The following PDE1C variants were observed in gnomAD, a reference collection of about 807,000 sequenced individuals.
PDE1C encodes the protein dual specificity calcium/calmodulin-dependent 3',5'-cyclic nucleotide phosphodiesterase 1C.
Under a neutral mutation model 93.1 loss-of-function variants are expected in PDE1C, and 62 were observed. That is an observed-to-expected ratio of 0.67 (90% CI 0.54 to 0.82). The LOEUF is 0.82. Among genes scored for constraint, PDE1C ranks in the 40% least tolerant of loss-of-function variants. The pLI, the probability that PDE1C is intolerant of heterozygous loss-of-function variation, is 0.00. For missense variants in PDE1C, 742 were observed against 884.6 expected, an observed-to-expected ratio of 0.84 and a Z score of 2.04; for synonymous variants, 325 against 310.1, an observed-to-expected ratio of 1.05 and a Z score of -0.50.
At chr7:32,377,809 C>T (rs1784458193) in intron 1 of PDE1C, among the ~76,000 whole-genome samples, 1 of 152,102 alleles carries the variant, frequency 6.6e-6, no homozygotes, top group African/African-American at 2.4e-5. Context: ...TGCCCTCCGC[C>T]ACTATACTCT....
the PDE1C span, among the ~76,000 whole-genome samples, chr7:31,696,734 T>G: frequency 6.6e-6 from 1 of 152,164 alleles, no homozygotes; most frequent in South Asian, 2.1e-4. Flanking sequence ...TCCTCAGGGT[T>G]TTAGTGAAGC....
chr7:31,634,209 C>G, the PDE1C span, among the ~76,000 whole-genome samples: 1 of 152,086 alleles, frequency 6.6e-6, no homozygotes, highest in South Asian at 2.1e-4. Flanking sequence ...AGCAGGGTCC[C>G]CCTAATTGGG....
At chr7:32,384,376 A>G (rs1290167158) in intron 1 of PDE1C, among the ~76,000 whole-genome samples, 1 of 152,230 alleles carries the variant, frequency 6.6e-6, no homozygotes, top group Non-Finnish European at 1.5e-5. Flanking sequence ...AAACATCATC[A>G]TAATAATAAA....
intron 2 of PDE1C, among the ~76,000 whole-genome samples, chr7:31,916,049 G>C (rs1380568707): frequency 2.6e-5 from 4 of 152,062 alleles, no homozygotes; most frequent in Non-Finnish European, 4.4e-5. Flanking sequence ...AGGTATGGGG[G>C]GGGCACCTCT....
At chr7:32,022,909 A>G (rs1039481829) in intron 2 of PDE1C, among the ~76,000 whole-genome samples, 12 of 151,656 alleles carry the variant, frequency 7.9e-5, no homozygotes, top group Admixed American at 7.9e-4. Flanking sequence ...TTACTTTCCT[A>G]TTACCAACAC....
the PDE1C span, among the ~76,000 whole-genome samples, chr7:31,731,040 G>A: frequency 4.0e-5 from 6 of 151,810 alleles, no homozygotes; most frequent in African/African-American, 9.7e-5. Context: ...AGAGGGGGGC[G>A]GGTTCCCAAG....
At chr7:31,824,256 C>T (rs1789374353) in intron 13 of PDE1C, among the ~76,000 whole-genome samples, 1 of 152,070 alleles carries the variant, frequency 6.6e-6, no homozygotes, top group African/African-American at 2.4e-5. Context: ...TGTTCTAGAT[C>T]CTGTTGTAAG....
chr7:32,143,178 G>A (rs1411292988), intron 3 of PDE1C, among the ~76,000 whole-genome samples: 1 of 151,844 alleles, frequency 6.6e-6, no homozygotes, highest in Non-Finnish European at 1.5e-5. Flanking sequence ...AGAAAAATGA[G>A]TCTGTGAAAG....
the PDE1C span, among the ~76,000 whole-genome samples, chr7:31,706,693 A>T: frequency 6.6e-6 from 1 of 152,222 alleles, no homozygotes; most frequent in African/African-American, 2.4e-5. Flanking sequence ...AAGGAAAATA[A>T]ACGAGCAAAT....
At chr7:31,808,196 G>A (rs1410099941) in intron 16 of PDE1C, 13 of 491,550 alleles carry the variant, frequency 2.6e-5, no homozygotes, top group Non-Finnish European at 4.8e-5. Context: ...CTAACCAAAT[G>A]ATTCAAAGAA....
chr7:32,333,889 T>A (rs901846118), intron 1 of PDE1C, among the ~76,000 whole-genome samples: 7 of 152,316 alleles, frequency 4.6e-5, no homozygotes, highest in African/African-American at 1.7e-4. Context: ...GGATTAAGGG[T>A]TAGGCCTTTT....
At chr7:32,249,692 T>C (rs192911781) in intron 1 of PDE1C, among the ~76,000 whole-genome samples, 2 of 152,298 alleles carry the variant, frequency 1.3e-5, no homozygotes, top group Admixed American at 1.3e-4. Flanking sequence ...CTATCTCCCA[T>C]ATCCACTCCA....
chr7:32,337,945 G>A (rs750604838), intron 1 of PDE1C, among the ~76,000 whole-genome samples: 1 of 152,100 alleles, frequency 6.6e-6, no homozygotes, highest in East Asian at 1.9e-4. Flanking sequence ...CATGAAACTG[G>A]ACTCTTACCT....
At chr7:32,361,096 C>T (rs1784129308) in intron 1 of PDE1C, among the ~76,000 whole-genome samples, 1 of 152,166 alleles carries the variant, frequency 6.6e-6, no homozygotes, top group African/African-American at 2.4e-5. Flanking sequence ...TGTGAGACAC[C>T]ATGCAGGGCA....
chr7:31,852,058 G>T (rs1365755324), intron 7 of PDE1C, among the ~76,000 whole-genome samples: 1 of 152,142 alleles, frequency 6.6e-6, no homozygotes, highest in Non-Finnish European at 1.5e-5. Flanking sequence ...AGATTCATAT[G>T]ATTTAAGTTA....
chr7:31,718,589 G>T, the PDE1C span, among the ~76,000 whole-genome samples: 1 of 152,158 alleles, frequency 6.6e-6, no homozygotes, highest in African/African-American at 2.4e-5. Context: ...TTCTCTTTGG[G>T]GATATGAGGA....
chr7:32,387,020 C>A (rs566780803), intron 1 of PDE1C, among the ~76,000 whole-genome samples: 1 of 151,076 alleles, frequency 6.6e-6, no homozygotes, highest in African/African-American at 2.4e-5. Flanking sequence ...GAGGACCCTG[C>A]GGCCTTCCGC....
At chr7:31,734,333 G>A in the PDE1C span, among the ~76,000 whole-genome samples, 1 of 152,294 alleles carries the variant, frequency 6.6e-6, no homozygotes, top group African/African-American at 2.4e-5. Context: ...GGGCCCCAGA[G>A]GTTGGCAACC....
intron 1 of PDE1C, among the ~76,000 whole-genome samples, chr7:32,419,809 C>T (rs949399541): frequency 4.0e-5 from 6 of 151,736 alleles, no homozygotes; most frequent in African/African-American, 7.3e-5. Context: ...ACCACCAGTG[C>T]GGAGATGTAA....
Sources: allele counts gnomAD v4.1 joint callset (sites outside exome capture counted in the v4.1 genomes callset), GRCh38; gene constraint gnomAD v4.1.1; transcripts MANE v1.5; gene names NCBI Gene and HGNC (gene_info 2026-07-23, HGNC 2026-07-21).